The following OMA1 variants were observed in gnomAD, a reference collection of about 807,000 sequenced individuals.
The protein encoded by OMA1 is OMA1 zinc metallopeptidase.
Under a neutral mutation model 30.9 loss-of-function variants are expected in OMA1, and 38 were observed. The observed-to-expected ratio is 1.23, with a 90% CI of 0.95 to 1.61. The LOEUF is 1.61. Among genes scored for constraint, OMA1 ranks in the 40% most tolerant of loss-of-function variants. The pLI, the probability that OMA1 is intolerant of heterozygous loss-of-function variation, is 0.00. For missense variants in OMA1, 461 were observed against 349.2 expected (o/e 1.32, Z -2.55); for synonymous variants, 173 against 121.9 (o/e 1.42, Z -2.76).
chr1:58,543,420 GC>G (rs1646652070), intron 1 of OMA1, among the ~76,000 whole-genome samples: 1 of 152,076 alleles, frequency 6.6e-6, no homozygotes, highest in Non-Finnish European at 1.5e-5. Context: ...AAATATCTCA[GC>G]CCACATTAAA....
In OMA1 at chr1:58,488,441, C is replaced by G. The variant is rs180901886; in HGVS notation, c.1366-7267G>C. Among the ~76,000 whole-genome samples, 279 of 152,268 alleles carry G rather than the reference C, an allele frequency of 1.8e-3. 2 individuals carry two copies. Among genetic ancestry groups the G allele is most frequent in the African/African-American group, 6.3e-3 (263 of 41,552 alleles). On this transcript the variant is annotated intron_variant, in intron 8 of 8. Transcript: ENST00000371226. ...ACACCCATCACTCAAGCAGTGTACA[C>G]TGTACCCAATGTGTAGTCTTTTTTT... is the stretch of plus-strand genomic sequence containing the variant.
At chr1:58,490,560 G>C (rs1001590416) in intron 8 of OMA1, among the ~76,000 whole-genome samples, 28 of 152,178 alleles carry the variant, frequency 1.8e-4, no homozygotes, top group Admixed American at 9.2e-4. Context: ...TAGCAAGGCA[G>C]GCCAACATTC....
intron 6 of OMA1, among the ~76,000 whole-genome samples, chr1:58,529,674 A>G (rs61781816): frequency 0.076 from 11,506 of 152,256 alleles, 469 homozygotes; most frequent in Middle Eastern, 0.16. Flanking sequence ...TTGGCTCTCT[A>G]TATCTGTGGA....
rs1428140129 is a variant in OMA1 at position 58,518,354 on chromosome 1, G to GAAGAGAAGA, written c.1215+8906_1215+8907insTCTTCTCTT. ...AGAAGAGAAGAGAAGAGAAGAGAAG[G>GAAGAGAAGA]GAAGGGAAGAGAAGAGAAGGGAAGA... On this transcript the variant is annotated intron_variant, in intron 7 of 8. Transcript: ENST00000371226. Among the ~76,000 whole-genome samples the GAAGAGAAGA allele has an allele frequency of 4.3e-3, 140 of 32,368 alleles. 3 individuals carry two copies. Among genetic ancestry groups the GAAGAGAAGA allele is most frequent in the Non-Finnish European group, 7.8e-3 (99 of 12,672 alleles). 21.2% of individuals were successfully genotyped at this position (32,368 alleles called of 152,430 possible).
chr1:58,542,973 C>T (rs1646644400), intron 1 of OMA1, among the ~76,000 whole-genome samples: 1 of 114,382 alleles, frequency 8.7e-6, no homozygotes, highest in Non-Finnish European at 1.9e-5. Flanking sequence ...GCAAGAACTA[C>T]AAACAAAAAG....
intron 7 of OMA1, among the ~76,000 whole-genome samples, chr1:58,508,898 C>T (rs1269667623): frequency 6.7e-6 from 1 of 148,774 alleles, no homozygotes; most frequent in East Asian, 1.9e-4. Flanking sequence ...TGAGGGCTGT[C>T]CAAGGGACTG....
At chr1:58,509,412 G>GA (rs1409209299) in intron 7 of OMA1, among the ~76,000 whole-genome samples, 62 of 141,528 alleles carry the variant, frequency 4.4e-4, no homozygotes, top group African/African-American at 1.2e-3. Flanking sequence ...ATGGGTCAAG[G>GA]AAAAAAAAAC....
chr1:58,501,016 TACA>T (rs1170368129), intron 8 of OMA1, among the ~76,000 whole-genome samples: 2 of 152,204 alleles, frequency 1.3e-5, no homozygotes, highest in Non-Finnish European at 2.9e-5. Context: ...AACAAATTGA[TACA>T]ACATCTGCTC....
intron 8 of OMA1, among the ~76,000 whole-genome samples, chr1:58,490,633 A>G (rs1249569648): frequency 6.6e-6 from 1 of 152,040 alleles, no homozygotes; most frequent in Non-Finnish European, 1.5e-5. Flanking sequence ...TCCAAGACAC[A>G]TAATTGTCAG....
At chr1:58,487,789 C>A (rs1274783903) in intron 8 of OMA1, among the ~76,000 whole-genome samples, 2 of 152,104 alleles carry the variant, frequency 1.3e-5, no homozygotes, top group East Asian at 1.9e-4. Context: ...TTCCCCTCCC[C>A]CCTCAACACA....
intron 1 of OMA1, among the ~76,000 whole-genome samples, chr1:58,544,803 A>T (rs1444548263): frequency 6.6e-6 from 1 of 152,212 alleles, no homozygotes; most frequent in Non-Finnish European, 1.5e-5. Context: ...CAAATTGCCC[A>T]GGCTAGTCTC....
rs779243565 is a variant in OMA1 at position 58,545,410 on chromosome 1, T to C, written c.-17+1293A>G. On this transcript the variant is annotated intron_variant, in intron 1 of 8. Transcript: ENST00000371226. Reference sequence around the variant, plus strand: ...TGAATAGAAACAGTGCCTGATATTTTGTAATACCCGGTTTATCCTGAAGAA... The same window carrying C: ...TGAATAGAAACAGTGCCTGATATTTCGTAATACCCGGTTTATCCTGAAGAA... 4.3e-4 allele frequency among the ~76,000 whole-genome samples: 65 copies of C among 152,346 alleles called. 1 individual carries two copies. The highest frequency in any genetic ancestry group is 6.8e-3 in the Middle Eastern group (2 of 294).
Position 58,539,005 on chromosome 1 carries a change from C to T in OMA1, c.290G>A (p.Cys97Tyr), listed in dbSNP as rs1222738926. ...TGAAAAAGCATCATTCCATACAGTA[C>T]ATTTGCTGGTAATCCTCCAAATTTC... ...SKEIWRITSK[C>Y]TVWNDAFSRQ... Residue 97 changes from cysteine (C) to tyrosine (Y), a missense_variant, in exon 2 of 9, where the codon TGT becomes TAT. Physicochemically the swap from Cys to Tyr is radical, Grantham distance 194 (BLOSUM62 -2). Coordinates refer to ENST00000371226, the MANE Select transcript of OMA1 (RefSeq NM_145243.5). 1.1e-6 allele frequency: 1 copy of T among 872,842 alleles called. No homozygotes were observed. Among genetic ancestry groups the T allele is most frequent in the Non-Finnish European group, 2.0e-6 (1 of 501,622 alleles). The allele number at this position is 872,842 out of a possible 1,614,324, so 54.1% of individuals were successfully genotyped here.
chr1:58,545,232 A>T (rs10789066), intron 1 of OMA1, among the ~76,000 whole-genome samples: 98,843 of 152,136 alleles, frequency 0.65, 34,213 homozygotes, highest in East Asian at 0.94. Context: ...TTAGCTCTGC[A>T]CATGACAAGC....
chr1:58,539,445 A>G, intron 1 of OMA1, 135 bp from the exon 2 acceptor site: 1 of 601,024 alleles, frequency 1.7e-6, no homozygotes, highest in Non-Finnish European at 2.9e-6. Flanking sequence ...GTTTCAACTC[A>G]TCACCCCTAG....
intron 7 of OMA1, among the ~76,000 whole-genome samples, chr1:58,524,227 T>G (rs970420631): frequency 4.6e-5 from 7 of 152,216 alleles, no homozygotes; most frequent in Non-Finnish European, 1.0e-4. Context: ...CACTTTCATC[T>G]GCATTAAAAA....
At chr1:58,503,200 AAAAATTC>A (rs1645934223) in intron 8 of OMA1, among the ~76,000 whole-genome samples, 1 of 152,220 alleles carries the variant, frequency 6.6e-6, no homozygotes, top group Non-Finnish European at 1.5e-5. Flanking sequence ...TAAAAAGAAA[AAAAATTC>A]AAGAGAAAAT....
At chr1:58,529,480 T>C (rs1646399965) in intron 6 of OMA1, among the ~76,000 whole-genome samples, 1 of 152,240 alleles carries the variant, frequency 6.6e-6, no homozygotes, top group Non-Finnish European at 1.5e-5. Context: ...GAGATGATTA[T>C]TATACATAAG....
intron 8 of OMA1, among the ~76,000 whole-genome samples, chr1:58,498,972 T>C (rs895727193): frequency 1.3e-5 from 2 of 152,102 alleles, no homozygotes; most frequent in African/African-American, 4.8e-5. Flanking sequence ...AGGACAATTA[T>C]CCTCTGGAAT....
Sources: allele counts gnomAD v4.1 joint callset (sites outside exome capture counted in the v4.1 genomes callset), GRCh38; gene constraint gnomAD v4.1.1; transcripts MANE v1.5; gene names NCBI Gene and HGNC (gene_info 2026-07-23, HGNC 2026-07-21).